NELL1: variants seen among roughly 807,000 people sequenced by gnomAD.
NELL1 encodes the protein protein kinase C-binding protein NELL1.
NELL1 carries 76 observed loss-of-function variants against 107.4 expected under a neutral mutation model. The ratio of observed to expected loss-of-function variants is 0.71; its 90% confidence interval spans 0.59 to 0.86. The LOEUF is 0.86. NELL1 is among the 40% of genes least tolerant of loss of function. NELL1 has a pLI of 0.00. For synonymous variants in NELL1, 353 were observed against 341.2 expected (o/e 1.03, Z -0.38); for missense variants, 1,024 against 1,005.5 (o/e 1.02, Z -0.25).
intron 13 of NELL1, among the ~76,000 whole-genome samples, chr11:21,227,296 G>T (rs1037854690): frequency 1.3e-5 from 2 of 152,056 alleles, no homozygotes; most frequent in Non-Finnish European, 2.9e-5. Flanking sequence ...AGTTATGCTT[G>T]TTATCCCAGT....
intron 3 of NELL1, among the ~76,000 whole-genome samples, chr11:20,785,463 C>T (rs578005378): frequency 1.3e-5 from 2 of 152,368 alleles, no homozygotes; most frequent in South Asian, 4.1e-4. Context: ...AGCTTCACAA[C>T]CCTACCTTGC....
chr11:20,691,892 C>T (rs146753185), intron 2 of NELL1, among the ~76,000 whole-genome samples: 31,012 of 151,850 alleles, frequency 0.2, 3,437 homozygotes, highest in African/African-American at 0.27. Flanking sequence ...TGGTAGAATT[C>T]GGCCATGAAT....
At chr11:20,882,350 T>C (rs1849425566) in intron 4 of NELL1, among the ~76,000 whole-genome samples, 1 of 152,228 alleles carries the variant, frequency 6.6e-6, no homozygotes, top group South Asian at 2.1e-4. Flanking sequence ...GATAACATTG[T>C]TTTGCATGTG....
intron 2 of NELL1, among the ~76,000 whole-genome samples, chr11:20,682,368 A>G (rs1409930584): frequency 2.0e-5 from 3 of 150,458 alleles, no homozygotes; most frequent in Non-Finnish European, 3.0e-5. Context: ...CAACCCAAAA[A>G]TATATTAATA....
At chr11:20,706,260 A>G (rs1325941015) in intron 2 of NELL1, among the ~76,000 whole-genome samples, 2 of 152,198 alleles carry the variant, frequency 1.3e-5, no homozygotes, top group Non-Finnish European at 2.9e-5. Context: ...AAGAGTTGGA[A>G]CCAACCCTAA....
chr11:21,179,308 TG>T (rs1468515119), intron 13 of NELL1, among the ~76,000 whole-genome samples: 1 of 151,952 alleles, frequency 6.6e-6, no homozygotes, highest in African/African-American at 2.4e-5. Flanking sequence ...TGGAAGGTTT[TG>T]AAACACAATG....
At chr11:21,455,480 T>C (rs1853704793) in intron 15 of NELL1, among the ~76,000 whole-genome samples, 1 of 151,776 alleles carries the variant, frequency 6.6e-6, no homozygotes. Context: ...TACAGGTGCA[T>C]GTCACCACAC....
chr11:21,035,643 A>G (rs1853073165), intron 12 of NELL1, among the ~76,000 whole-genome samples: 1 of 152,188 alleles, frequency 6.6e-6, no homozygotes, highest in Non-Finnish European at 1.5e-5. Context: ...GCACATGATT[A>G]TCTCAATAGA....
chr11:20,858,964 G>A lies in NELL1; in HGVS notation c.506+11211G>A, dbSNP rs532385490. ...ATTGCCCAGGGCAGAAGGCCTTGGC[G>A]GCTGCATTATTACCCAGAGATGAAA... On this transcript the variant is annotated intron_variant, in intron 4 of 19. Coordinates refer to ENST00000357134, the MANE Select transcript of NELL1 (RefSeq NM_006157.5). 1.3e-3 allele frequency among the ~76,000 whole-genome samples: 201 copies of A among 152,280 alleles called. 1 individual carries two copies. Among genetic ancestry groups the A allele is most frequent in the African/African-American group, 3.9e-3 (164 of 41,556 alleles).
intron 14 of NELL1, among the ~76,000 whole-genome samples, chr11:21,263,005 C>G (rs77454025): frequency 0.019 from 2,827 of 151,808 alleles, 98 homozygotes; most frequent in African/African-American, 0.065. Flanking sequence ...ATCTTGTAAC[C>G]CTTTTCATTT....
chr11:21,039,468 G>A (rs184321681), intron 12 of NELL1, among the ~76,000 whole-genome samples: 207 of 152,188 alleles, frequency 1.4e-3, no homozygotes, highest in South Asian at 2.1e-3. Context: ...TTACAGGCGT[G>A]AGCCACCACA....
At chr11:20,695,825 T>C (rs140053894) in intron 2 of NELL1, among the ~76,000 whole-genome samples, 15 of 152,278 alleles carry the variant, frequency 9.9e-5, no homozygotes, top group African/African-American at 3.6e-4. Flanking sequence ...TCTTCAATTT[T>C]TCACAATAGT....
intron 12 of NELL1, among the ~76,000 whole-genome samples, chr11:20,981,081 C>A (rs1851739693): frequency 6.6e-6 from 1 of 152,128 alleles, no homozygotes; most frequent in Non-Finnish European, 1.5e-5. Flanking sequence ...TTGTTTTAAA[C>A]TACTGAAATG....
chr11:21,102,556 C>G (rs1415623492), intron 12 of NELL1, among the ~76,000 whole-genome samples: 1 of 152,140 alleles, frequency 6.6e-6, no homozygotes, highest in Non-Finnish European at 1.5e-5. Flanking sequence ...ATACCTACTT[C>G]AAAGGGTTAT....
chr11:21,156,647 G>GC (rs1856242637), intron 13 of NELL1, among the ~76,000 whole-genome samples: 1 of 152,086 alleles, frequency 6.6e-6, no homozygotes, highest in African/African-American at 2.4e-5. Context: ...ATGAGAGGAT[G>GC]ACACTGAAGC....
chr11:20,888,883 A>G (rs954786442), intron 5 of NELL1, among the ~76,000 whole-genome samples: 5 of 152,162 alleles, frequency 3.3e-5, no homozygotes, highest in African/African-American at 1.2e-4. Context: ...CTCATCTCCA[A>G]TGGCCTAGCT....
At chr11:21,250,259 T>C (rs1418652606) in intron 14 of NELL1, among the ~76,000 whole-genome samples, 1 of 152,132 alleles carries the variant, frequency 6.6e-6, no homozygotes, top group African/African-American at 2.4e-5. Context: ...TGCAGTTATT[T>C]AACATAAACC....
At chr11:21,387,785 A>G (rs1416870329) in intron 15 of NELL1, among the ~76,000 whole-genome samples, 1 of 151,814 alleles carries the variant, frequency 6.6e-6, no homozygotes. Flanking sequence ...ATATTCTGAG[A>G]GACTTTCTTC....
At chr11:20,990,457 G>A (rs1851948263) in intron 12 of NELL1, among the ~76,000 whole-genome samples, 1 of 152,198 alleles carries the variant, frequency 6.6e-6, no homozygotes, top group South Asian at 2.1e-4. Flanking sequence ...GGCAGTACCA[G>A]GACATGCCAG....
Sources: allele counts gnomAD v4.1 joint callset (sites outside exome capture counted in the v4.1 genomes callset), GRCh38; gene constraint gnomAD v4.1.1; transcripts MANE v1.5; gene names NCBI Gene and HGNC (gene_info 2026-07-23, HGNC 2026-07-21).